Variants in IRX1 observed in about 807,000 individuals in gnomAD.
IRX1 encodes the protein iroquois-class homeodomain protein IRX-1.
A neutral mutation model predicts 34.1 loss-of-function variants in IRX1; 22 were observed. That is an observed-to-expected ratio of 0.64 (90% CI 0.46 to 0.92). The LOEUF is 0.92. IRX1 is among the 40% of genes least tolerant of loss of function. IRX1 has a pLI of 0.00. For synonymous variants in IRX1, 363 were observed against 319.0 expected, an observed-to-expected ratio of 1.14 and a Z score of -1.47; for missense variants, 758 against 680.0, an observed-to-expected ratio of 1.11 and a Z score of -1.28.
chr5:3,600,771 G>A, intron 3 of IRX1, 90 bp downstream of exon 3: 1 of 1,298,822 alleles, frequency 7.7e-7, no homozygotes, highest in Non-Finnish European at 1.1e-6. Flanking sequence ...GCTGGGTGGC[G>A]GTGGGGGTCG....
chr5:3,598,847 C>T (rs1466128250), intron 1 of IRX1, among the ~76,000 whole-genome samples: 1 of 152,160 alleles, frequency 6.6e-6, no homozygotes, highest in East Asian at 1.9e-4. Context: ...ATGCAGGTTT[C>T]TCCAGCGGTT....
In IRX1 at chr5:3,599,677, G is replaced by A. The variant is rs367825706; in HGVS notation, c.729G>A (p.Glu243=). The A allele has an allele frequency of 1.2e-4, 186 of 1,613,446 alleles. No individual in the cohort carries two copies. The highest frequency in any genetic ancestry group is 2.2e-4 in the Admixed American group (13 of 60,012). The change falls in exon 2 of 4, where the codon GAG becomes GAA. Residue 243 remains glutamate (E), a synonymous_variant. Coordinates refer to ENST00000302006, the MANE Select transcript of IRX1 (RefSeq NM_024337.4). The surrounding 1 kb of genome is among the most constrained non-coding windows in gnomAD (Gnocchi z 6.6). ...AGCACGATGGCGACCAGAGCAACGA[G>A]GATGACGAGGACAAGGCCGAGGCTC... The part of the protein sequence containing the change: ...IDEHDGDQSN[E]DDEDKAEAPH...
Position 3,599,856 on chromosome 5 carries a change from C to T in IRX1, c.908C>T (p.Ala303Val), listed in dbSNP as rs910308611. Reference protein sequence around the residue: ...STRLLSPGAAAGGLQGAPHGK... With the variant: ...STRLLSPGAAVGGLQGAPHGK... ...CGCCTGCTGAGCCCCGGCGCTGCAG[C>T]GGGCGGCCTGCAGGGTGCGCCGCAC... Residue 303 changes from alanine to valine, a missense_variant, in exon 2 of 4, where the codon GCG becomes GTG. Transcript: ENST00000302006. This position sits in a 1 kb window ranked among gnomAD's most constrained non-coding sequence, Gnocchi z 6.6. 32 of 1,526,966 alleles carry T rather than the reference C, an allele frequency of 2.1e-5. No individual in the cohort carries two copies. Among genetic ancestry groups the T allele is most frequent in the Non-Finnish European group, 2.5e-5 (28 of 1,140,684 alleles). The allele number at this position is 1,526,966 out of a possible 1,614,324, so 94.6% of individuals were successfully genotyped here. A position where few individuals can be genotyped will look rare whatever the true frequency, so the allele number is the denominator to read the frequency against.
rs1733930146 is a variant in IRX1 at position 3,600,315 on chromosome 5, C to T, written c.1312+55C>T. On this transcript the variant is annotated intron_variant, in intron 2 of 3. Transcript: ENST00000302006. Reference sequence around the variant, plus strand: ...CCTAGCTGGGAATGCAGAGGCCTGGCTAGGTGTGGTAGCGTGGGGTGCAGC... The same window carrying T: ...CCTAGCTGGGAATGCAGAGGCCTGGTTAGGTGTGGTAGCGTGGGGTGCAGC... 7.5e-6 allele frequency: 11 copies of T among 1,459,018 alleles called. No homozygotes were observed. In the East Asian group the frequency reaches 2.4e-4, roughly 32 times the overall value. 90.4% of individuals were successfully genotyped at this position (1,459,018 alleles called of 1,614,324 possible).
intron 1 of IRX1, among the ~76,000 whole-genome samples, chr5:3,597,244 C>CA (rs1371871660): frequency 1.3e-5 from 2 of 152,230 alleles, no homozygotes; most frequent in African/African-American, 4.8e-5. Flanking sequence ...TCCGCGGGGG[C>CA]ATTGGCCTGT....
At position 3,599,347 on chromosome 5, in the gene IRX1, C is replaced by G. The variant is rs1185415252; in HGVS notation, c.399C>G (p.Asn133Lys). 1.2e-6 allele frequency: 2 copies of G among 1,614,124 alleles called. No homozygotes were observed. Among genetic ancestry groups the G allele is most frequent in the Admixed American group, 1.7e-5 (1 of 60,028 alleles). ...ACGGGGACCCCGGGCGGCCCAAGAACGCCACCCGCGAGAGCACCAGCACGC... is the reference window on the plus strand; with the variant it reads ...ACGGGGACCCCGGGCGGCCCAAGAAGGCCACCCGCGAGAGCACCAGCACGC... ...FQYGDPGRPK[N>K]ATRESTSTLK... The change falls in exon 2 of 4, where the codon AAC (asparagine) becomes AAG (lysine). Residue 133 changes from asparagine (N) to lysine (K), a missense_variant. Coordinates refer to ENST00000302006, the MANE Select transcript of IRX1 (RefSeq NM_024337.4). The surrounding 1 kb of genome is among the most constrained non-coding windows in gnomAD (Gnocchi z 6.6).
chr5:3,599,830 G>A lies in IRX1; in HGVS notation c.882G>A (p.Thr294=), dbSNP rs771736531. 5.9e-5 allele frequency: 92 copies of A among 1,561,890 alleles called. 1 individual carries two copies. In the Admixed American group the frequency reaches 1.8e-3, roughly 30 times the overall value. ...LAKEAPEPGS[T]RLLSPGAAAG... ...AGGAGGCCCCAGAGCCGGGCAGCAC[G>A]CGCCTGCTGAGCCCCGGCGCTGCAG... Residue 294 remains threonine, a synonymous_variant, in exon 2 of 4, where the codon ACG becomes ACA. Transcript: ENST00000302006. This position sits in a 1 kb window ranked among gnomAD's most constrained non-coding sequence, Gnocchi z 6.6.
chr5:3,598,516 TAA>T (rs58897888), intron 1 of IRX1, among the ~76,000 whole-genome samples: 3 of 150,180 alleles, frequency 2.0e-5, no homozygotes, highest in South Asian at 2.1e-4. Context: ...CCTTTTGTAT[TAA>T]AAAAAAAAAT....
intron 1 of IRX1, among the ~76,000 whole-genome samples, chr5:3,597,554 A>T (rs1283974034): frequency 6.6e-6 from 1 of 152,202 alleles, no homozygotes; most frequent in Non-Finnish European, 1.5e-5. Context: ...CTATCGAAAA[A>T]GATCAGCCCC....
At chr5:3,596,757 C>A (rs1214858925) in intron 1 of IRX1, among the ~76,000 whole-genome samples, 1 of 152,164 alleles carries the variant, frequency 6.6e-6, no homozygotes, top group African/African-American at 2.4e-5. Flanking sequence ...CAGGTCGGCC[C>A]GGCGTAGCGT....
At chr5:3,600,730 A>G (rs1411357056) in intron 3 of IRX1, 49 bp downstream of exon 3, 1 of 1,232,492 alleles carries the variant, frequency 8.1e-7, no homozygotes, top group Non-Finnish European at 1.2e-6. Flanking sequence ...GGGAGGGGGG[A>G]GGAGGAGTGG....
intron 1 of IRX1, among the ~76,000 whole-genome samples, chr5:3,597,413 A>G (rs1733815657): frequency 6.6e-6 from 1 of 152,182 alleles, no homozygotes; most frequent in South Asian, 2.1e-4. Flanking sequence ...CACCCGCGAT[A>G]TCTCCCCGCT....
chr5:3,600,509 G>A (rs970451472), intron 2 of IRX1, 100 bp from the exon 3 acceptor site: 4 of 1,152,542 alleles, frequency 3.5e-6, no homozygotes, highest in African/African-American at 1.5e-5. Flanking sequence ...GTTTTTCGGC[G>A]AATCTGCCTG....
Position 3,601,071 on chromosome 5 carries a change from G to T in IRX1, c.*31G>T, listed in dbSNP as rs977941275. ...GGTCTTCTTTTACTTTTGCGGGGGG[G>T]AGGGGGGAGGAGTTGGGGAGGGAGG... On this transcript the variant is annotated 3_prime_UTR_variant, in exon 4 of 4. Transcript: ENST00000302006. 42 of 1,534,698 alleles carry T rather than the reference G, an allele frequency of 2.7e-5. No individual in the cohort carries two copies. The highest frequency in any genetic ancestry group is 3.7e-5 in the Non-Finnish European group (41 of 1,110,964).
chr5:3,596,043 C>A lies in IRX1; in HGVS notation c.-63C>A. On this transcript the variant is annotated 5_prime_UTR_variant, in exon 1 of 4. Transcript: ENST00000302006. Reference sequence around the variant, plus strand: ...GCCCCCTGCAACCCCCTCCGGCCGGCCTCCGCCTCCCTCCCCGCGCCTTTA... The same window carrying A: ...GCCCCCTGCAACCCCCTCCGGCCGGACTCCGCCTCCCTCCCCGCGCCTTTA... 9.9e-7 allele frequency: 1 copy of A among 1,005,718 alleles called. No homozygotes were observed. The highest frequency in any genetic ancestry group is 8.6e-5 in the East Asian group (1 of 11,682). The allele number at this position is 1,005,718 out of a possible 1,614,324, so 62.3% of individuals were successfully genotyped here.
Position 3,601,307 on chromosome 5 carries a change from C to A in IRX1, c.*267C>A. On this transcript the variant is annotated 3_prime_UTR_variant, in exon 4 of 4. Coordinates refer to ENST00000302006, the MANE Select transcript of IRX1 (RefSeq NM_024337.4). ...CCCACGTGCTTGTGTCTCTTTCCCCCCTTTTCTGTATATAGAGTGGTTTCA... is the reference window on the plus strand; with the variant it reads ...CCCACGTGCTTGTGTCTCTTTCCCCACTTTTCTGTATATAGAGTGGTTTCA... 2 of 540,126 alleles carry A rather than the reference C, an allele frequency of 3.7e-6. No homozygotes were observed. The highest frequency in any genetic ancestry group is 6.7e-6 in the Non-Finnish European group (2 of 299,782). 33.5% of individuals were successfully genotyped at this position (540,126 alleles called of 1,614,324 possible).
chr5:3,600,729 G>T lies in IRX1; in HGVS notation c.1385+48G>T, dbSNP rs766459829. 5.3e-6 allele frequency: 8 copies of T among 1,517,148 alleles called. No homozygotes were observed. In the South Asian group the frequency reaches 7.9e-5, roughly 15 times the overall value. 94.0% of individuals were successfully genotyped at this position (1,517,148 alleles called of 1,614,324 possible). ...ATGGGAGAAGGCGGTGGGGAGGGGG[G>T]AGGAGGAGTGGTCGGGACCCGGGCG... On this transcript the variant is annotated intron_variant, in intron 3 of 3. Transcript: ENST00000302006.
Position 3,596,207 on chromosome 5 carries a change from G to GGCT in IRX1, c.105_107dup (p.Ala38dup). ...GGGTGCTGGCCGCGGCCGCTGCGGC[G>GGCT]GCTGCCGCCGCCTCGTCGGGCCGAC... is the stretch of plus-strand genomic sequence containing the variant. On this transcript the variant is annotated inframe_insertion, in exon 1 of 4. Transcript: ENST00000302006. 9.5e-7 allele frequency: 1 copy of GGCT among 1,056,324 alleles called. No homozygotes were observed. Among genetic ancestry groups the GGCT allele is most frequent in the East Asian group, 6.5e-5 (1 of 15,458 alleles). 65.4% of individuals were successfully genotyped at this position (1,056,324 alleles called of 1,614,324 possible).
In IRX1 at chr5:3,601,065, G is replaced by T. The variant is rs572724431; in HGVS notation, c.*25G>T. ...ATTAAGGGTCTTCTTTTACTTTTGC[G>T]GGGGGGAGGGGGGAGGAGTTGGGGA... On this transcript the variant is annotated 3_prime_UTR_variant, in exon 4 of 4. Transcript: ENST00000302006. The T allele has an allele frequency of 6.5e-6, 10 of 1,539,904 alleles. No homozygotes were observed. The highest frequency in any genetic ancestry group is 2.2e-5 in the East Asian group (1 of 44,638).
Sources: gnomAD v4.1 joint callset for allele counts (sites outside exome capture counted in the v4.1 genomes callset) on GRCh38, gnomAD v4.1.1 for gene constraint, Gnocchi (gnomAD v3.1) non-coding constraint, MANE v1.5 for transcripts, NCBI Gene and HGNC (gene_info 2026-07-23, HGNC 2026-07-21) for gene names.